C16orf90: variants seen among roughly 807,000 people sequenced by gnomAD.
The protein encoded by C16orf90 is chromosome 16 open reading frame 90.
C16orf90 carries 17 observed loss-of-function variants against 17.1 expected under a neutral mutation model. The observed-to-expected ratio is 1.00, with a 90% CI of 0.68 to 1.49. The LOEUF is 1.49. Among genes scored for constraint, C16orf90 ranks in the 40% most tolerant of loss-of-function variants. The probability of loss-of-function intolerance (pLI) is 0.00; values close to 1 mark genes in which losing one functional copy is unlikely to be tolerated. For missense variants in C16orf90, 255 were observed against 235.5 expected (o/e 1.08, Z -0.54); for synonymous variants, 108 against 95.8 (o/e 1.13, Z -0.75).
upstream of C16orf90, chr16:3,496,591 C>G (rs1042527937): frequency 1.9e-6 from 1 of 535,776 alleles, no homozygotes; most frequent in Admixed American, 2.0e-5. Flanking sequence ...TGGCCCTGGA[C>G]TCCCTCAAGG....
chr16:3,494,894 G>T lies in C16orf90; in HGVS notation c.47-17C>A. 1 of 1,488,720 alleles carries T rather than the reference G, an allele frequency of 6.7e-7. No homozygotes were observed. Among genetic ancestry groups the T allele is most frequent in the Non-Finnish European group, 8.9e-7 (1 of 1,122,234 alleles). The allele number at this position is 1,488,720 out of a possible 1,614,324, so 92.2% of individuals were successfully genotyped here. A position where few individuals can be genotyped will look rare whatever the true frequency, so the allele number is the denominator to read the frequency against. On this transcript the variant is annotated splice_polypyrimidine_tract_variant and intron_variant, in intron 1 of 2. Coordinates refer to ENST00000437192, the MANE Select transcript of C16orf90 (RefSeq NM_001080524.2). ...TCACTGCATCTGCAGAGGAGACAGC[G>T]GGAGGGTGGTGGCCAGCCCCCCACA...
intron 2 of C16orf90, 58 bp downstream of exon 2, chr16:3,494,466 A>T: frequency 1.4e-5 from 20 of 1,465,470 alleles, no homozygotes; most frequent in Non-Finnish European, 1.6e-5. Context: ...CTGAGGCCCC[A>T]GCCCAACCAT....
chr16:3,495,537 C>CGATG, upstream of C16orf90: 1 of 1,521,404 alleles, frequency 6.6e-7, no homozygotes, highest in Non-Finnish European at 8.8e-7. Flanking sequence ...CTTATGACAT[C>CGATG]ACGGGGAAGA....
upstream of C16orf90, among the ~76,000 whole-genome samples, chr16:3,495,882 G>T (rs1276422805): frequency 6.6e-6 from 1 of 152,166 alleles, no homozygotes; most frequent in Non-Finnish European, 1.5e-5. Context: ...GAGGCAGGCT[G>T]ATCAGTTGAG....
chr16:3,496,558 C>G (rs1253912019), upstream of C16orf90: 1 of 546,592 alleles, frequency 1.8e-6, no homozygotes, highest in African/African-American at 1.9e-5. Flanking sequence ...GGGTGGGGGC[C>G]AAGATCCTGA....
upstream of C16orf90, among the ~76,000 whole-genome samples, chr16:3,495,735 G>A (rs2037300034): frequency 6.6e-6 from 1 of 152,170 alleles, no homozygotes; most frequent in East Asian, 1.9e-4. Context: ...ATCTCTTGGG[G>A]CCAGCTTCCT....
rs1458999514 is a variant in C16orf90 at position 3,495,357 on chromosome 16, C to G, written c.46+19G>C. 2 of 1,598,994 alleles carry G rather than the reference C, an allele frequency of 1.3e-6. No homozygotes were observed. The highest frequency in any genetic ancestry group is 8.5e-7 in the Non-Finnish European group (1 of 1,172,292). On this transcript the variant is annotated intron_variant, in intron 1 of 2. Coordinates refer to ENST00000437192, the MANE Select transcript of C16orf90 (RefSeq NM_001080524.2). ...GAAGCCTATCTCTCTTCCTGCCACTCCTCCCCACAGCCCGGCACCTTCTCT... is the reference window on the plus strand; with the variant it reads ...GAAGCCTATCTCTCTTCCTGCCACTGCTCCCCACAGCCCGGCACCTTCTCT...
In C16orf90 at chr16:3,494,810, GC is replaced by G. The variant is rs765400188; in HGVS notation, c.113del (p.Gly38AlafsTer223). 1 of 1,572,136 alleles carries G rather than the reference GC, an allele frequency of 6.4e-7. No individual in the cohort carries two copies. The highest frequency in any genetic ancestry group is 2.3e-5 in the East Asian group (1 of 44,434). ...PDAPPNIYEG[G>X]LGSPQPQCPS... ...GGCACTGCGGCTGCGGGGACCCCAG[GC>G]CCCCCTCGTAGATGTTGGGGGGTGC... On this transcript the variant is annotated frameshift_variant, in exon 2 of 3. Coordinates refer to ENST00000437192, the MANE Select transcript of C16orf90 (RefSeq NM_001080524.2). LOFTEE classifies it high-confidence loss of function.
Position 3,494,565 on chromosome 16 carries a change from A to T in C16orf90, c.359T>A (p.Leu120His). The change falls in exon 2 of 3, where the codon CTT becomes CAT. Residue 120 changes from leucine to histidine, a missense_variant. Coordinates refer to ENST00000437192, the MANE Select transcript of C16orf90 (RefSeq NM_001080524.2). ...LGPRNSLCSA[L>H]LEARLPRDSL... ...GTCCCTGGGCAATCGGGCTTCCAGA[A>T]GGGCTGAACAGAGGCTGTTACGTGG... 6.2e-7 allele frequency: 1 copy of T among 1,612,824 alleles called. No individual in the cohort carries two copies. The highest frequency in any genetic ancestry group is 8.5e-7 in the Non-Finnish European group (1 of 1,179,846).
At chr16:3,496,495 A>G (rs1467588499), upstream of C16orf90, 2 of 665,376 alleles carry the variant, frequency 3.0e-6, no homozygotes, top group South Asian at 1.4e-5. Flanking sequence ...GAGGTGCCCA[A>G]ACTTAAGGTG....
rs2037261392 is a variant in C16orf90 at position 3,493,730 on chromosome 16, T to C, written c.*109A>G. ...CAGGCCTGGGCGCTGGGCCGCTGCCTGGGCCACCCCATGTGGCAGGGCCAC... is the reference window on the plus strand; with the variant it reads ...CAGGCCTGGGCGCTGGGCCGCTGCCCGGGCCACCCCATGTGGCAGGGCCAC... On this transcript the variant is annotated 3_prime_UTR_variant, in exon 3 of 3. Transcript: ENST00000437192. The C allele has an allele frequency of 2.9e-5, 33 of 1,140,460 alleles. No homozygotes were observed. The highest frequency in any genetic ancestry group is 2.7e-4 in the Admixed American group (10 of 37,530). 70.6% of individuals were successfully genotyped at this position (1,140,460 alleles called of 1,614,324 possible).
Position 3,494,652 on chromosome 16 carries a change from C to G in C16orf90, c.272G>C (p.Gly91Ala). Residue 91 changes from glycine (G) to alanine (A), a missense_variant, in exon 2 of 3, where the codon GGC becomes GCC. Transcript: ENST00000437192. ...TGTGCCCTCAGGCTGTGGCAGGCAG[C>G]CCCCAGCCATAAGCCGGCCCAGCCA... ...SHWLGRLMAG[G>A]CLPQPEGTAW... The G allele has an allele frequency of 6.2e-7, 1 of 1,611,258 alleles. No homozygotes were observed. Among genetic ancestry groups the G allele is most frequent in the Non-Finnish European group, 8.5e-7 (1 of 1,179,568 alleles).
At chr16:3,496,151 A>C (rs2037306105), upstream of C16orf90, 1 of 427,204 alleles carries the variant, frequency 2.3e-6, no homozygotes, top group Non-Finnish European at 4.5e-6. Context: ...AAAAAAAAAA[A>C]AAAGTTAAAC....
chr16:3,496,354 G>A, upstream of C16orf90: 3 of 1,175,046 alleles, frequency 2.6e-6, no homozygotes, highest in South Asian at 3.6e-5. Flanking sequence ...TGCTGAAGAG[G>A]TTGTTTATGA....
At chr16:3,495,511 C>G (rs760096648), upstream of C16orf90, 17 of 1,548,960 alleles carry the variant, frequency 1.1e-5, no homozygotes, top group South Asian at 1.9e-4. Flanking sequence ...TGGCAGGTCT[C>G]CCCTGGCAAC....
In C16orf90 at chr16:3,494,714, C is replaced by T; in HGVS notation, c.210G>A (p.Glu70=). 8 of 1,608,920 alleles carry T rather than the reference C, an allele frequency of 5.0e-6. No individual in the cohort carries two copies. Among genetic ancestry groups the T allele is most frequent in the Non-Finnish European group, 6.8e-6 (8 of 1,178,822 alleles). Residue 70 remains glutamate (E), a synonymous_variant, in exon 2 of 3, where the codon GAG becomes GAA. Coordinates refer to ENST00000437192, the MANE Select transcript of C16orf90 (RefSeq NM_001080524.2). ...RHLRGLGLYL[E]SHPPPTGQCE... is the part of the protein sequence containing the mutation. ...ACTGGCCAGTGGGTGGCGGGTGGCT[C>T]TCCAGGTAGAGGCCCAGGCCCCGGA...
At chr16:3,494,926 A>G (rs1458569653) in intron 1 of C16orf90, 49 bp from the exon 2 acceptor site, 14 of 1,346,072 alleles carry the variant, frequency 1.0e-5, no homozygotes, top group Non-Finnish European at 1.4e-5. Flanking sequence ...CACAGCAGCC[A>G]TGAGGGGAGG....
In C16orf90 at chr16:3,494,816, C is replaced by T. The variant is rs750936387; in HGVS notation, c.108G>A (p.Glu36=). The change falls in exon 2 of 3, where the codon GAG becomes GAA. Residue 36 remains glutamate (E), a synonymous_variant. Coordinates refer to ENST00000437192, the MANE Select transcript of C16orf90 (RefSeq NM_001080524.2). ...GCGGCTGCGGGGACCCCAGGCCCCC[C>T]TCGTAGATGTTGGGGGGTGCGTCAG... ...GHPDAPPNIY[E]GGLGSPQPQC... is the part of the protein sequence containing the mutation. The T allele has an allele frequency of 3.1e-5, 49 of 1,566,742 alleles. No individual in the cohort carries two copies. The highest frequency in any genetic ancestry group is 4.1e-5 in the Non-Finnish European group (47 of 1,159,820).
upstream of C16orf90, chr16:3,496,386 T>C: frequency 8.6e-7 from 1 of 1,164,424 alleles, no homozygotes; most frequent in Non-Finnish European, 1.2e-6. Context: ...CGGCCACCTC[T>C]GTCCGTTTCC....
Sources: gnomAD v4.1 joint callset for allele counts (sites outside exome capture counted in the v4.1 genomes callset) on GRCh38, gnomAD v4.1.1 for gene constraint, MANE v1.5 for transcripts, NCBI Gene and HGNC (gene_info 2026-07-23, HGNC 2026-07-21) for gene names.